The following NDRG4 variants were observed in gnomAD, a reference collection of about 807,000 sequenced individuals.
The protein encoded by NDRG4 is protein NDRG4.
Under a neutral mutation model 55.8 loss-of-function variants are expected in NDRG4, and 38 were observed. The ratio of observed to expected loss-of-function variants is 0.68; its 90% CI spans 0.53 to 0.89. The LOEUF (loss-of-function observed/expected upper bound fraction) is 0.89, where lower values mean the gene tolerates loss of function less well. Among genes scored for constraint, NDRG4 ranks in the 40% least tolerant of loss-of-function variants. NDRG4 has a pLI of 0.00. For synonymous variants in NDRG4, 190 were observed against 182.7 expected (o/e 1.04, Z -0.32); for missense variants, 455 against 468.6 (o/e 0.97, Z 0.27).
chr16:58,506,755 TC>T, intron 7 of NDRG4, 141 bp downstream of exon 7: 1 of 1,197,916 alleles, frequency 8.3e-7, no homozygotes, highest in East Asian at 2.6e-5. Flanking sequence ...AGACATCCCC[TC>T]CCAAGGCCCC....
In NDRG4 at chr16:58,509,454, G is replaced by A. The variant is rs560606640; in HGVS notation, c.865+102G>A. ...GCAGGGCTGGCACGTGGTGTCAGGT[G>A]GTAGTAGGGAGCCCATAAGCATAGG... On this transcript the variant is annotated intron_variant, in intron 13 of 14. Transcript: ENST00000570248. The A allele has an allele frequency of 1.5e-4, 184 of 1,249,216 alleles. No homozygotes were observed. The African/African-American group carries it at 2.2e-3, about 15-fold the overall frequency. 77.4% of individuals were successfully genotyped at this position (1,249,216 alleles called of 1,614,324 possible). A position where few individuals can be genotyped will look rare whatever the true frequency, so the allele number is the denominator to read the frequency against.
intron 2 of NDRG4, among the ~76,000 whole-genome samples, chr16:58,489,241 C>T (rs983073421): frequency 3.3e-5 from 5 of 151,934 alleles, no homozygotes; most frequent in Middle Eastern, 3.2e-3. Flanking sequence ...AAGACTGCAC[C>T]GCCGCACTCC....
exon 1 of NDRG4, chr16:58,463,784 T>C (rs1293675652): frequency 6.6e-6 from 1 of 150,920 alleles, no homozygotes; most frequent in Non-Finnish European, 1.5e-5. Flanking sequence ...GTCTGTCTCG[T>C]CCGCATCTCC....
At chr16:58,463,747 C>A (rs913235296) in exon 1 of NDRG4, 3 of 150,688 alleles carry the variant, frequency 2.0e-5, no homozygotes, top group Non-Finnish European at 4.4e-5. Flanking sequence ...GCGTCGGCGG[C>A]GCCGAAGCCC....
chr16:58,501,037 C>G, intron 1 of NDRG4: 1 of 1,242,090 alleles, frequency 8.1e-7, no homozygotes, highest in East Asian at 3.1e-5. Flanking sequence ...CTAGGGGACC[C>G]CAGGTGGAGC....
chr16:58,496,410 A>T (rs1324335890), upstream of NDRG4, among the ~76,000 whole-genome samples: 1 of 152,124 alleles, frequency 6.6e-6, no homozygotes, highest in East Asian at 1.9e-4. Flanking sequence ...ACATGGAGGC[A>T]GCATTTTTTT....
intron 1 of NDRG4, among the ~76,000 whole-genome samples, chr16:58,486,843 C>G (rs1461740328): frequency 6.6e-6 from 1 of 152,166 alleles, no homozygotes; most frequent in Non-Finnish European, 1.5e-5. Context: ...GGCAGCTGAG[C>G]AGCCCCTGTG....
In NDRG4 at chr16:58,506,417, G is replaced by A. The variant is rs1365892919; in HGVS notation, c.403G>A (p.Val135Met). ...LIFPDLVEGL[V>M]LVNIDPNGKG... ...CTTCCCCGACCTGGTGGAGGGGCTG[G>A]TGCTGGTGAACATCGACCCCAATGG... Residue 135 changes from valine to methionine, a missense_variant, in exon 6 of 15, where the codon GTG becomes ATG. Val to Met is a conservative substitution (Grantham distance 21). Transcript: ENST00000570248. 22 of 1,613,690 alleles carry A rather than the reference G, an allele frequency of 1.4e-5. No homozygotes were observed. The highest frequency in any genetic ancestry group is 1.8e-5 in the Non-Finnish European group (21 of 1,179,964).
In NDRG4 at chr16:58,464,785, C is replaced by A; in HGVS notation, c.-24+988C>A. ...GGCTCCTGCCCTCCAATCAGTGTCG[C>A]TTGTCCCCTAAGAAAGGACCCGTGG... On this transcript the variant is annotated intron_variant, in intron 1 of 15. Coordinates refer to the NDRG4 transcript ENST00000258187. This position sits in a 1 kb window ranked among gnomAD's most constrained non-coding sequence, Gnocchi z 4.8. 7.8e-7 allele frequency: 1 copy of A among 1,283,572 alleles called. No individual in the cohort carries two copies. The highest frequency in any genetic ancestry group is 2.2e-5 in the South Asian group (1 of 45,484). The allele number at this position is 1,283,572 out of a possible 1,614,324, so 79.5% of individuals were successfully genotyped here.
At chr16:58,504,053 C>A in intron 2 of NDRG4, 101 bp from the exon 3 acceptor site, 1 of 1,587,824 alleles carries the variant, frequency 6.3e-7, no homozygotes, top group Admixed American at 1.7e-5. Context: ...CCCGACGGAC[C>A]CGAGGCTTAC....
At position 58,464,066 on chromosome 16, in the gene NDRG4, C is replaced by A. The variant is rs1001458524; in HGVS notation, c.-24+269C>A. 4.6e-6 allele frequency: 1 copy of A among 217,314 alleles called. No individual in the cohort carries two copies. The highest frequency in any genetic ancestry group is 2.3e-5 in the African/African-American group (1 of 43,800). The allele number at this position is 217,314 out of a possible 1,614,324, so 13.5% of individuals were successfully genotyped here. A position where few individuals can be genotyped will look rare whatever the true frequency, so the allele number is the denominator to read the frequency against. On this transcript the variant is annotated intron_variant, in intron 1 of 15. Coordinates refer to the NDRG4 transcript ENST00000258187. The surrounding 1 kb of genome is among the most constrained non-coding windows in gnomAD (Gnocchi z 4.8). ...CCAGCCGCCGTCCGCGACCCCCCAC[C>A]GCGACGCCCGGAGGCGGCGGGGTCT... is the stretch of plus-strand genomic sequence containing the variant.
At chr16:58,502,122 C>A in intron 1 of NDRG4, 1 of 424,960 alleles carries the variant, frequency 2.4e-6, no homozygotes, top group Non-Finnish European at 4.9e-6. Context: ...CAGGGCCTGC[C>A]CTCCCTACTC....
rs973151245 is a variant in NDRG4 at position 58,472,009 on chromosome 16, A to G, written c.-24+8212A>G. On this transcript the variant is annotated intron_variant, in intron 1 of 15. Coordinates refer to the NDRG4 transcript ENST00000258187. ...GTTTCCTGACAGCTCTAGGGGTGCC[A>G]GAAATGGCTTTTAACAATATTGGCC... is the stretch of plus-strand genomic sequence containing the variant. Among the ~76,000 whole-genome samples, 3 of 152,180 alleles carry G rather than the reference A, an allele frequency of 2.0e-5. No individual in the cohort carries two copies. The South Asian group carries it at 6.2e-4, about 32-fold the overall frequency.
chr16:58,507,709 G>A (rs1189381755), intron 8 of NDRG4, 99 bp from the exon 9 acceptor site: 21 of 1,171,290 alleles, frequency 1.8e-5, no homozygotes, highest in African/African-American at 6.0e-5. Flanking sequence ...GCAGGTCCAC[G>A]CCTCCCTGCT....
chr16:58,515,053 C>G (rs2039071332), downstream of NDRG4, among the ~76,000 whole-genome samples: 1 of 152,218 alleles, frequency 6.6e-6, no homozygotes, highest in Admixed American at 6.5e-5. Flanking sequence ...GCCCTCTAGG[C>G]CACGCCACTC....
intron 1 of NDRG4, among the ~76,000 whole-genome samples, chr16:58,486,042 C>T (rs887447379): frequency 5.9e-5 from 9 of 152,140 alleles, no homozygotes; most frequent in Non-Finnish European, 1.2e-4. Context: ...TAAAACTGCC[C>T]TCCAGAAAGA....
exon 1 of NDRG4, chr16:58,463,782 C>G (rs1467730212): frequency 6.6e-6 from 1 of 151,234 alleles, no homozygotes; most frequent in Admixed American, 6.6e-5. Context: ...GCGTCTGTCT[C>G]GTCCGCATCT....
intron 1 of NDRG4, among the ~76,000 whole-genome samples, chr16:58,478,387 TAAA>T (rs771500758): frequency 1.5e-5 from 1 of 67,102 alleles, no homozygotes; most frequent in Admixed American, 1.4e-4. Context: ...AGACTCCATC[TAAA>T]AAAAAAAAAA....
At chr16:58,465,093 G>C (rs9935033) in intron 1 of NDRG4, 17 of 1,278,952 alleles carry the variant, frequency 1.3e-5, no homozygotes, top group East Asian at 1.1e-4. Context: ...AGCAGGGACG[G>C]GGGGGAGGAT....
Sources: gnomAD v4.1 joint callset for allele counts (sites outside exome capture counted in the v4.1 genomes callset) on GRCh38, gnomAD v4.1.1 for gene constraint, Gnocchi (gnomAD v3.1) non-coding constraint, MANE v1.5 for transcripts, NCBI Gene and HGNC (gene_info 2026-07-23, HGNC 2026-07-21) for gene names.